TDRD12: variants seen among roughly 807,000 people sequenced by gnomAD.
The protein encoded by TDRD12 is putative ATP-dependent RNA helicase TDRD12.
In TDRD12, 158 loss-of-function variants were observed where a neutral mutation model predicts 133.5. That is an observed-to-expected ratio of 1.18 (90% CI 1.04 to 1.35). The LOEUF is 1.35. TDRD12 is among the 40% of genes most tolerant of loss of function. The pLI is 0.00. For missense variants in TDRD12, 1,443 were observed against 1,321.3 expected (o/e 1.09, Z -1.43); for synonymous variants, 460 against 477.9 (o/e 0.96, Z 0.49).
chr19:32,780,582 C>G (rs1970734923), intron 11 of TDRD12, among the ~76,000 whole-genome samples: 1 of 152,102 alleles, frequency 6.6e-6, no homozygotes, highest in African/African-American at 2.4e-5. Context: ...CCTTCCTCCT[C>G]CCTCTTGAAA....
chr19:32,796,287 C>G (rs1424251865), intron 14 of TDRD12: 1 of 733,388 alleles, frequency 1.4e-6, no homozygotes, highest in Non-Finnish European at 1.7e-6. Flanking sequence ...TATGATTTCC[C>G]TTTAGAAAGT....
intron 20 of TDRD12, 55 bp downstream of exon 20, chr19:32,802,844 T>G (rs1450242688): frequency 6.5e-7 from 1 of 1,533,374 alleles, no homozygotes; most frequent in African/African-American, 1.4e-5. Flanking sequence ...TGTGTCATGA[T>G]AAGCTCAGAG....
chr19:32,823,562 C>G (rs1025595960), downstream of TDRD12, among the ~76,000 whole-genome samples: 1 of 152,142 alleles, frequency 6.6e-6, no homozygotes, highest in Non-Finnish European at 1.5e-5. Context: ...AAAGGATCTT[C>G]CGGAGCCGAG....
At chr19:32,815,416 C>T in intron 25 of TDRD12, 32 bp from the exon 26 acceptor site, 1 of 1,504,910 alleles carries the variant, frequency 6.6e-7, no homozygotes, top group Non-Finnish European at 8.9e-7. Context: ...AGAGTGATTA[C>T]TGCTAATGTT....
exon 10 of TDRD12, chr19:32,827,193 G>A: frequency 8.1e-7 from 1 of 1,231,970 alleles, no homozygotes; most frequent in Non-Finnish European, 1.0e-6. Context: ...GCCGTACACA[G>A]TGACAGAGGT....
intron 14 of TDRD12, among the ~76,000 whole-genome samples, chr19:32,795,599 C>T (rs1971202651): frequency 6.6e-6 from 1 of 152,178 alleles, no homozygotes; most frequent in Non-Finnish European, 1.5e-5. Context: ...CACCCTGCTT[C>T]ATAATCCTTC....
intron 1 of TDRD12, among the ~76,000 whole-genome samples, chr19:32,727,051 C>T (rs1012869429): frequency 6.6e-6 from 1 of 152,168 alleles, no homozygotes; most frequent in Non-Finnish European, 1.5e-5. Context: ...ACATTCATAC[C>T]AACAGTGCAC....
chr19:32,734,934 G>A (rs1266878245), intron 2 of TDRD12, among the ~76,000 whole-genome samples: 1 of 152,052 alleles, frequency 6.6e-6, no homozygotes, highest in Admixed American at 6.6e-5. Context: ...TTGTTTTGGG[G>A]TGCCACGAAT....
chr19:32,767,276 G>A (rs1970326938), intron 8 of TDRD12, among the ~76,000 whole-genome samples: 3 of 151,666 alleles, frequency 2.0e-5, no homozygotes, highest in South Asian at 2.1e-4. Flanking sequence ...TTACAGGTGT[G>A]CACCACTATG....
intron 2 of TDRD12, among the ~76,000 whole-genome samples, chr19:32,736,790 G>A (rs1242639425): frequency 6.6e-6 from 1 of 152,216 alleles, no homozygotes; most frequent in Non-Finnish European, 1.5e-5. Context: ...TATTAGTTGA[G>A]TTGGCTGTGG....
In TDRD12 at chr19:32,802,956, AATCT is replaced by A. The variant is rs1568487681; in HGVS notation, c.2367_2370del (p.Val791CysfsTer3). The A allele has an allele frequency of 1.3e-6, 2 of 1,535,894 alleles. No homozygotes were observed. Among genetic ancestry groups the A allele is most frequent in the East Asian group, 4.9e-5 (2 of 40,918 alleles). On this transcript the variant is annotated frameshift_variant, in exon 21 of 28. Coordinates refer to ENST00000444215, the Ensembl canonical transcript of TDRD12. LOFTEE classifies it high-confidence loss of function. ...GCAGAACAGGGAGATAAGAAAGCCA[AATCT>A]GTCTTGCTGCTGACGGAGAAAGATG...
chr19:32,820,530 G>A (rs1212450169), intron 27 of TDRD12, among the ~76,000 whole-genome samples: 1 of 152,084 alleles, frequency 6.6e-6, no homozygotes. Context: ...TAAAATATGG[G>A]GCAGCACGTT....
At position 32,763,682 on chromosome 19, in the gene TDRD12, G is replaced by A. The variant is rs183000790; in HGVS notation, c.865+6552G>A. Among the ~76,000 whole-genome samples the A allele has an allele frequency of 5.6e-4, 85 of 152,324 alleles. No individual in the cohort carries two copies. The Middle Eastern group carries it at 0.017, about 30-fold the overall frequency. ...GTGAGAACCTGCTAGAGCTCCAGGA[G>A]GCAGAACTCACAGAAGTGTGGCACC... On this transcript the variant is annotated intron_variant, in intron 8 of 27. Coordinates refer to ENST00000444215, the Ensembl canonical transcript of TDRD12.
exon 16 of TDRD12, chr19:32,798,330 A>G: frequency 6.5e-7 from 1 of 1,535,602 alleles, no homozygotes; most frequent in Non-Finnish European, 8.7e-7. Flanking sequence ...TTACGACCCC[A>G]TACAGCCTGC....
At chr19:32,814,504 A>G (rs1967110037) in intron 25 of TDRD12, among the ~76,000 whole-genome samples, 1 of 152,232 alleles carries the variant, frequency 6.6e-6, no homozygotes, top group Non-Finnish European at 1.5e-5. Context: ...TAAGCAGAAA[A>G]TGGTTTTCAG....
At chr19:32,804,536 T>A (rs998366100) in intron 21 of TDRD12, among the ~76,000 whole-genome samples, 1 of 150,920 alleles carries the variant, frequency 6.6e-6, no homozygotes, top group Non-Finnish European at 1.5e-5. Context: ...TACTAAAAAA[T>A]ACAAAAATTA....
chr19:32,740,773 C>T (rs1218277439), intron 3 of TDRD12, among the ~76,000 whole-genome samples: 1 of 152,184 alleles, frequency 6.6e-6, no homozygotes, highest in Non-Finnish European at 1.5e-5. Flanking sequence ...AGAGCTTGTA[C>T]TCATGTAGGT....
chr19:32,743,943 G>A (rs942785456), intron 4 of TDRD12, among the ~76,000 whole-genome samples: 3 of 150,196 alleles, frequency 2.0e-5, no homozygotes, highest in African/African-American at 7.4e-5. Flanking sequence ...CAGGAGAATT[G>A]CTTGAACCCG....
chr19:32,821,407 T>TGTGC (rs1261926385), downstream of TDRD12: 10 of 144,450 alleles, frequency 6.9e-5, no homozygotes, highest in Non-Finnish European at 9.7e-5. Flanking sequence ...TGTGTGTGTG[T>TGTGC]GTGCGTGTGA....
Sources: gnomAD v4.1 joint callset for allele counts (sites outside exome capture counted in the v4.1 genomes callset) on GRCh38, gnomAD v4.1.1 for gene constraint, MANE v1.5 for transcripts, NCBI Gene and HGNC (gene_info 2026-07-23, HGNC 2026-07-21) for gene names.